MACROD2: variants seen among roughly 807,000 people sequenced by gnomAD.
MACROD2 encodes mono-ADP ribosylhydrolase 2, also known as ADP-ribose glycohydrolase MACROD2.
A neutral mutation model predicts 70.4 loss-of-function variants in MACROD2; 36 were observed. The ratio of observed to expected loss-of-function variants is 0.51; its 90% CI spans 0.39 to 0.68. The LOEUF (loss-of-function observed/expected upper bound fraction) is 0.68. Ranked by LOEUF, MACROD2 falls within the 30% of genes least tolerant of loss-of-function variation. MACROD2 has a pLI of 0.00. For missense variants in MACROD2, 496 were observed against 538.4 expected (o/e 0.92, Z 0.78); for synonymous variants, 172 against 178.8 (o/e 0.96, Z 0.30).
chr20:15,837,822 G>T (rs2064130769), intron 8 of MACROD2, among the ~76,000 whole-genome samples: 1 of 152,060 alleles, frequency 6.6e-6, no homozygotes, highest in African/African-American at 2.4e-5. Flanking sequence ...GTGGTTGTTG[G>T]TCCTAACCTC....
chr20:14,511,878 C>T (rs1239722507), intron 4 of MACROD2, among the ~76,000 whole-genome samples: 3 of 151,792 alleles, frequency 2.0e-5, no homozygotes, highest in Admixed American at 1.3e-4. Flanking sequence ...CATGGAACCT[C>T]TAACCTCAAT....
intron 6 of MACROD2, among the ~76,000 whole-genome samples, chr20:15,243,102 A>T (rs1431481040): frequency 6.6e-6 from 1 of 152,136 alleles, no homozygotes; most frequent in African/African-American, 2.4e-5. Context: ...CCAGGAACGA[A>T]TGTGATCTTG....
At chr20:14,164,772 T>C (rs1395377083) in intron 3 of MACROD2, among the ~76,000 whole-genome samples, 1 of 152,080 alleles carries the variant, frequency 6.6e-6, no homozygotes, top group Non-Finnish European at 1.5e-5. Flanking sequence ...TACTGGAGGA[T>C]GAATCTTCAG....
At chr20:15,485,724 C>T (rs979471458) in intron 7 of MACROD2, among the ~76,000 whole-genome samples, 6 of 152,142 alleles carry the variant, frequency 3.9e-5, no homozygotes, top group Admixed American at 3.3e-4. Flanking sequence ...CCCCAAGTGC[C>T]TTGCTGTGGT....
intron 3 of MACROD2, among the ~76,000 whole-genome samples, chr20:14,407,387 G>T (rs2083702360): frequency 6.6e-6 from 1 of 151,870 alleles, no homozygotes; most frequent in African/African-American, 2.4e-5. Flanking sequence ...TTCAAAAGCA[G>T]TTTTATGCAC....
rs558236665 is a variant in MACROD2 at position 14,690,848 on chromosome 20, G to T, written c.418+5889G>T. Among the ~76,000 whole-genome samples the T allele has an allele frequency of 3.9e-4, 60 of 152,312 alleles. No individual in the cohort carries two copies. The Middle Eastern group carries it at 0.01, about 26-fold the overall frequency. On this transcript the variant is annotated intron_variant, in intron 5 of 17. Transcript: ENST00000684519. The stretch of plus-strand genomic sequence containing the variant: ...ATTTTACGGCCACAGAACCTGAAGT[G>T]TTCACTATCCAGCCTCTGTGGAAAA...
intron 3 of MACROD2, among the ~76,000 whole-genome samples, chr20:14,216,612 C>G (rs966072953): frequency 6.6e-6 from 1 of 152,070 alleles, no homozygotes; most frequent in African/African-American, 2.4e-5. Context: ...GTCATTTTCA[C>G]AATATTGATT....
At chr20:15,001,897 T>A (rs2074998148) in intron 5 of MACROD2, among the ~76,000 whole-genome samples, 1 of 152,018 alleles carries the variant, frequency 6.6e-6, no homozygotes, top group Admixed American at 6.6e-5. Flanking sequence ...CTGTCCATTG[T>A]ATCATTCTTA....
chr20:15,872,021 C>T (rs745352877), intron 9 of MACROD2, among the ~76,000 whole-genome samples: 1 of 152,164 alleles, frequency 6.6e-6, no homozygotes, highest in African/African-American at 2.4e-5. Flanking sequence ...TGACCAAAGT[C>T]ACATAGTTGG....
chr20:14,294,334 T>C (rs1382459639), intron 3 of MACROD2, among the ~76,000 whole-genome samples: 4 of 150,960 alleles, frequency 2.6e-5, no homozygotes, highest in African/African-American at 9.8e-5. Context: ...GAATAGTTTG[T>C]AGAATGATTT....
intron 8 of MACROD2, among the ~76,000 whole-genome samples, chr20:15,664,335 G>C (rs73900048): frequency 0.057 from 8,624 of 152,274 alleles, 809 homozygotes; most frequent in African/African-American, 0.19. Flanking sequence ...GATATCCTGA[G>C]TGAGCAGAGT....
chr20:15,500,048 A>G (rs2047345874), intron 8 of MACROD2, among the ~76,000 whole-genome samples: 1 of 152,214 alleles, frequency 6.6e-6, no homozygotes. Flanking sequence ...CTATTGATCT[A>G]TCTGGTGAAG....
rs544677462 is a variant in MACROD2, at chr20:14,817,225, T to A, written c.418+132266T>A. ...ATAGAACTATCAGAGCATTTTATTT[T>A]GAAACTGCACTCTTTTTTGACTGAT... On this transcript the variant is annotated intron_variant, in intron 5 of 17. Transcript: ENST00000684519. Among the ~76,000 whole-genome samples, 55 of 152,286 alleles carry A rather than the reference T, an allele frequency of 3.6e-4. 1 individual carries two copies. In the East Asian group the frequency reaches 6.0e-3, roughly 17 times the overall value.
intron 3 of MACROD2, among the ~76,000 whole-genome samples, chr20:14,363,816 CAAAAAAAAAAAAAA>C (rs569929488): frequency 4.2e-5 from 3 of 71,560 alleles, no homozygotes. Flanking sequence ...GACTCTGTCT[CAAAAAAAAAAAAAA>C]AAAAAAAAAA....
chr20:14,106,271 A>G (rs547699112), intron 3 of MACROD2, among the ~76,000 whole-genome samples: 1 of 152,074 alleles, frequency 6.6e-6, no homozygotes, highest in Admixed American at 6.6e-5. Context: ...AGAACCCCAC[A>G]TGGGCTGGTG....
chr20:14,381,573 A>C (rs1166259690), intron 3 of MACROD2, among the ~76,000 whole-genome samples: 1 of 152,192 alleles, frequency 6.6e-6, no homozygotes, highest in Non-Finnish European at 1.5e-5. Flanking sequence ...AGAACTTTTT[A>C]CTAACATTAT....
chr20:14,939,901 T>G (rs554290292), intron 5 of MACROD2, among the ~76,000 whole-genome samples: 1 of 152,102 alleles, frequency 6.6e-6, no homozygotes. Context: ...TTTTTTCAGA[T>G]TATTCACTGC....
intron 5 of MACROD2, among the ~76,000 whole-genome samples, chr20:14,780,562 C>A (rs1179087613): frequency 5.9e-3 from 735 of 123,858 alleles, no homozygotes; most frequent in Middle Eastern, 9.4e-3. Flanking sequence ...AACTCCGTCT[C>A]AAAAAAAAAA....
At chr20:14,515,305 C>A (rs1042790297) in intron 4 of MACROD2, among the ~76,000 whole-genome samples, 1 of 151,892 alleles carries the variant, frequency 6.6e-6, no homozygotes, top group African/African-American at 2.4e-5. Flanking sequence ...CCAATATTTC[C>A]ACTTCTTGCT....
Sources: gnomAD v4.1 joint callset for allele counts (sites outside exome capture counted in the v4.1 genomes callset) on GRCh38, gnomAD v4.1.1 for gene constraint, MANE v1.5 for transcripts, NCBI Gene and HGNC (gene_info 2026-07-23, HGNC 2026-07-21) for gene names.